DLG2: variants seen among roughly 807,000 people sequenced by gnomAD.
DLG2 encodes discs large MAGUK scaffold protein 2.
Under a neutral mutation model 132.5 loss-of-function variants are expected in DLG2, and 45 were observed. The ratio of observed to expected loss-of-function variants is 0.34; its 90% CI spans 0.27 to 0.44. The LOEUF is 0.44. Among genes scored for constraint, DLG2 ranks in the 20% least tolerant of loss-of-function variants. The pLI, the probability that DLG2 is intolerant of heterozygous loss-of-function variation, is 1.00. For synonymous variants in DLG2, 424 were observed against 419.6 expected (o/e 1.01, Z -0.13); for missense variants, 1,045 against 1,196.9 (o/e 0.87, Z 1.87).
At chr11:83,944,757 G>T (rs1410315398) in intron 14 of DLG2, among the ~76,000 whole-genome samples, 2 of 152,138 alleles carry the variant, frequency 1.3e-5, no homozygotes, top group Admixed American at 6.5e-5. Context: ...TGTAATAAAA[G>T]CCAGGCACAG....
At chr11:83,480,998 A>ATCT (rs1309154121) in intron 22 of DLG2, among the ~76,000 whole-genome samples, 2 of 152,098 alleles carry the variant, frequency 1.3e-5, no homozygotes, top group African/African-American at 2.4e-5. Flanking sequence ...TGAGTTGAAA[A>ATCT]TCTTTGAGGA....
chr11:83,693,407 C>T (rs1396238471), intron 18 of DLG2, among the ~76,000 whole-genome samples: 1 of 152,140 alleles, frequency 6.6e-6, no homozygotes, highest in African/African-American at 2.4e-5. Flanking sequence ...CCAGTCCCTT[C>T]AGGAAGGGCC....
intron 6 of DLG2, among the ~76,000 whole-genome samples, chr11:84,794,239 T>C (rs924652535): frequency 4.6e-5 from 7 of 152,338 alleles, no homozygotes; most frequent in African/African-American, 1.7e-4. Context: ...CAAGAATAAC[T>C]TCATTGCACA....
intron 3 of DLG2, among the ~76,000 whole-genome samples, chr11:85,585,189 G>A (rs2078888330): frequency 6.6e-6 from 1 of 152,156 alleles, no homozygotes; most frequent in Non-Finnish European, 1.5e-5. Context: ...TACGATGAGA[G>A]ATGAGGATCC....
intron 9 of DLG2, among the ~76,000 whole-genome samples, chr11:84,125,042 G>C (rs965671413): frequency 2.0e-5 from 3 of 151,950 alleles, no homozygotes; most frequent in Non-Finnish European, 4.4e-5. Flanking sequence ...TAGAGACGGA[G>C]TTTCTCTATG....
At chr11:83,750,647 G>A (rs2093244119) in intron 18 of DLG2, among the ~76,000 whole-genome samples, 1 of 152,076 alleles carries the variant, frequency 6.6e-6, no homozygotes, top group African/African-American at 2.4e-5. Context: ...AAATAAATAT[G>A]CTTGCCTATG....
rs184700693 is a variant in DLG2, at chr11:85,317,597, T to G, written c.41-32232A>C. On this transcript the variant is annotated intron_variant, in intron 3 of 27. Transcript: ENST00000376104. ...TGCTATGAGAATAGTCTTTTGTTCC[T>G]TCCTCCAAGGAAAGAATTGAGCATT... is the stretch of plus-strand genomic sequence containing the variant. Among the ~76,000 whole-genome samples, 10 of 152,046 alleles carry G rather than the reference T, an allele frequency of 6.6e-5. No individual in the cohort carries two copies. The East Asian group carries it at 1.9e-3, about 29-fold the overall frequency.
chr11:84,725,321 A>G (rs2062308812), intron 6 of DLG2, among the ~76,000 whole-genome samples: 1 of 152,164 alleles, frequency 6.6e-6, no homozygotes, highest in Admixed American at 6.6e-5. Flanking sequence ...TTTAGATAAC[A>G]CATGAACTTT....
chr11:85,247,977 A>C (rs919913559), intron 4 of DLG2, among the ~76,000 whole-genome samples: 2 of 152,108 alleles, frequency 1.3e-5, no homozygotes, highest in African/African-American at 4.8e-5. Context: ...GAAGAAACTT[A>C]AGACCTTATT....
chr11:85,059,812 T>C (rs996235831), intron 6 of DLG2, among the ~76,000 whole-genome samples: 1 of 151,662 alleles, frequency 6.6e-6, no homozygotes, highest in Non-Finnish European at 1.5e-5. Flanking sequence ...ACCTGGGAAG[T>C]TGTGTTCACT....
chr11:85,590,651 C>A (rs12295698), intron 3 of DLG2, among the ~76,000 whole-genome samples: 33,035 of 148,488 alleles, frequency 0.22, 4,039 homozygotes, highest in African/African-American at 0.31. Flanking sequence ...CTCTCTCTCT[C>A]TATATATATA....
chr11:83,603,543 T>A (rs987628185), intron 19 of DLG2, among the ~76,000 whole-genome samples: 3 of 152,202 alleles, frequency 2.0e-5, no homozygotes, highest in Non-Finnish European at 4.4e-5. Context: ...CGCTGAGTAA[T>A]ATTTTTAATT....
intron 3 of DLG2, among the ~76,000 whole-genome samples, chr11:85,548,214 T>A (rs183770619): frequency 2.2e-3 from 333 of 152,292 alleles, no homozygotes; most frequent in Non-Finnish European, 4.0e-3. Flanking sequence ...TTCCTTTCTG[T>A]TTGTTAGTTT....
At chr11:83,930,084 C>T (rs2079854637) in intron 15 of DLG2, among the ~76,000 whole-genome samples, 1 of 151,996 alleles carries the variant, frequency 6.6e-6, no homozygotes, top group Admixed American at 6.6e-5. Context: ...GTATAGGAAC[C>T]AGGAACATGT....
rs1007246892 is a variant in DLG2, at chr11:85,220,873, C to A, written c.186+64347G>T. On this transcript the variant is annotated intron_variant, in intron 4 of 27. Coordinates refer to ENST00000376104, the MANE Select transcript of DLG2 (RefSeq NM_001142699.3). ...ACTCTATATATGACACTTGATTTATCACAATTTGTCTTGGCAAAATAACTA... is the reference window on the plus strand; with the variant it reads ...ACTCTATATATGACACTTGATTTATAACAATTTGTCTTGGCAAAATAACTA... Among the ~76,000 whole-genome samples, 5 of 151,946 alleles carry A rather than the reference C, an allele frequency of 3.3e-5. No individual in the cohort carries two copies. The South Asian group carries it at 1.0e-3, about 32-fold the overall frequency.
At chr11:84,635,225 CT>C (rs551986007) in intron 6 of DLG2, among the ~76,000 whole-genome samples, 53 of 152,366 alleles carry the variant, frequency 3.5e-4, no homozygotes, top group African/African-American at 1.2e-3. Context: ...ACCAGCTCCA[CT>C]GGGCATCTGT....
At chr11:85,183,387 A>G (rs899298616) in intron 4 of DLG2, among the ~76,000 whole-genome samples, 7 of 152,056 alleles carry the variant, frequency 4.6e-5, no homozygotes, top group Non-Finnish European at 8.8e-5. Context: ...ATGCTAATTA[A>G]CAAACCCCAA....
In DLG2 at chr11:85,559,857, TAGAG is replaced by T. The variant is rs1294680530; in HGVS notation, c.40+38796_40+38799del. Among the ~76,000 whole-genome samples, 13 of 144,746 alleles carry T rather than the reference TAGAG, an allele frequency of 9.0e-5. 1 individual carries two copies. The highest frequency in any genetic ancestry group is 3.3e-4 in the African/African-American group (12 of 36,232). The allele number at this position is 144,746 out of a possible 152,430, so 95.0% of individuals were successfully genotyped here. On this transcript the variant is annotated intron_variant, in intron 3 of 27. Coordinates refer to ENST00000376104, the MANE Select transcript of DLG2 (RefSeq NM_001142699.3). ...ATAGATAGATAGATAGATAGATAGA[TAGAG>T]ATAAATATCCCTGGTGTAAAGTGTG...
At position 85,105,110 on chromosome 11, in the gene DLG2, C is replaced by A. The variant is rs545853644; in HGVS notation, c.357+6551G>T. Among the ~76,000 whole-genome samples the A allele has an allele frequency of 1.1e-4, 16 of 152,044 alleles. 1 individual carries two copies. In the South Asian group the frequency reaches 3.1e-3, roughly 30 times the overall value. On this transcript the variant is annotated intron_variant, in intron 6 of 27. Coordinates refer to ENST00000376104, the MANE Select transcript of DLG2 (RefSeq NM_001142699.3). ...TCAGATCTTGCCAGCAACCTTAGGG[C>A]TTGCATCCTCCATTTCTTTGCTCAG...
Sources: allele counts gnomAD v4.1 joint callset (sites outside exome capture counted in the v4.1 genomes callset), GRCh38; gene constraint gnomAD v4.1.1; transcripts MANE v1.5; gene names NCBI Gene and HGNC (gene_info 2026-07-23, HGNC 2026-07-21).